OCLN: variants seen among roughly 807,000 people sequenced by gnomAD.
OCLN encodes occludin, also known as phosphatase 1, regulatory subunit 115.
OCLN carries 21 observed loss-of-function variants against 47.9 expected under a neutral mutation model. The ratio of observed to expected loss-of-function variants is 0.44; its 90% CI spans 0.31 to 0.63. The LOEUF (loss-of-function observed/expected upper bound fraction) is 0.63, where lower values mean the gene tolerates loss of function less well. Ranked by LOEUF, OCLN falls within the 30% of genes least tolerant of loss-of-function variation. The probability of loss-of-function intolerance (pLI) is 0.08; values close to 1 mark genes in which losing one functional copy is unlikely to be tolerated. For missense variants in OCLN, 360 were observed against 571.0 expected (o/e 0.63, Z 3.77); for synonymous variants, 117 against 198.4 (o/e 0.59, Z 3.45).
intron 4 of OCLN, among the ~76,000 whole-genome samples, chr5:69,525,748 A>G (rs1195208816): frequency 6.6e-6 from 1 of 152,132 alleles, no homozygotes; most frequent in Non-Finnish European, 1.5e-5. Flanking sequence ...TGTCCTTTTC[A>G]CAAATGACTA....
In OCLN at chr5:69,514,503, G is replaced by A. The variant is rs553159726; in HGVS notation, c.891+394G>A. 3.3e-5 allele frequency among the ~76,000 whole-genome samples: 5 copies of A among 151,516 alleles called. No individual in the cohort carries two copies. In the South Asian group the frequency reaches 1.0e-3, roughly 32 times the overall value. On this transcript the variant is annotated intron_variant, in intron 4 of 8. Coordinates refer to ENST00000396442, the MANE Select transcript of OCLN (RefSeq NM_001205254.2). The stretch of plus-strand genomic sequence containing the variant: ...GTCAAGATTGGCAAGAGTGTTTTTG[G>A]AATAGCAGGTGGCAGGCCTTTTAAA...
At chr5:69,527,137 TGTG>T (rs1283757854) in intron 4 of OCLN, among the ~76,000 whole-genome samples, 1 of 151,404 alleles carries the variant, frequency 6.6e-6, no homozygotes, top group Admixed American at 6.6e-5. Context: ...ATTAGCTGGG[TGTG>T]GTGGTGGGCG....
intron 2 of OCLN, among the ~76,000 whole-genome samples, chr5:69,504,779 A>G (rs1164507968): frequency 2.0e-5 from 3 of 152,052 alleles, no homozygotes; most frequent in Non-Finnish European, 4.4e-5. Flanking sequence ...TACTAAAAAT[A>G]CAAAAATTAG....
intron 1 of OCLN, among the ~76,000 whole-genome samples, chr5:69,503,538 C>T (rs1364539079): frequency 6.6e-6 from 1 of 152,224 alleles, no homozygotes. Flanking sequence ...GTCACTCCCA[C>T]AGGCTCTCCT....
At chr5:69,519,898 G>A (rs746676482) in intron 4 of OCLN, among the ~76,000 whole-genome samples, 25 of 152,144 alleles carry the variant, frequency 1.6e-4, no homozygotes, top group Admixed American at 3.3e-4. Context: ...AAAAATCCAC[G>A]TATATGTGGA....
intron 4 of OCLN, chr5:69,530,598 G>C (rs929942159): frequency 4.6e-5 from 7 of 152,058 alleles, no homozygotes; most frequent in Non-Finnish European, 1.0e-4. Flanking sequence ...GCATCAGCTG[G>C]CTCAGGATTT....
At chr5:69,524,687 T>A (rs1025106532) in intron 4 of OCLN, among the ~76,000 whole-genome samples, 2 of 152,198 alleles carry the variant, frequency 1.3e-5, no homozygotes, top group African/African-American at 4.8e-5. Context: ...CATTTTTATT[T>A]TTTATTTATT....
chr5:69,531,435 G>A (rs1221973740), intron 4 of OCLN, among the ~76,000 whole-genome samples: 1 of 152,234 alleles, frequency 6.6e-6, no homozygotes, highest in African/African-American at 2.4e-5. Flanking sequence ...ACGCTGTGAG[G>A]AGGAGGTGGG....
intron 3 of OCLN, among the ~76,000 whole-genome samples, 153 bp downstream of exon 3, chr5:69,509,972 GAT>G (rs1768733819): frequency 6.6e-6 from 1 of 152,188 alleles, no homozygotes; most frequent in African/African-American, 2.4e-5. Context: ...GTCTCATTAA[GAT>G]ATGATTAACA....
intron 4 of OCLN, among the ~76,000 whole-genome samples, chr5:69,521,644 A>AT (rs1304562937): frequency 4.6e-5 from 7 of 152,200 alleles, no homozygotes. Flanking sequence ...CTTGAAAAAA[A>AT]GCATTTTACA....
At chr5:69,514,878 A>G (rs1446350247) in intron 4 of OCLN, among the ~76,000 whole-genome samples, 2 of 152,130 alleles carry the variant, frequency 1.3e-5, no homozygotes, top group African/African-American at 4.8e-5. Flanking sequence ...AGGCAGAAGA[A>G]TTTTTCTTAG....
At chr5:69,530,646 G>A (rs890755420) in intron 4 of OCLN, 1 of 152,152 alleles carries the variant, frequency 6.6e-6, no homozygotes, top group Admixed American at 6.5e-5. Flanking sequence ...TTTGGGTGCT[G>A]TTCTTGCCCA....
rs1045727732 is a variant in OCLN at position 69,522,565 on chromosome 5, GTGTTTT to G, written c.891+8470_891+8475del. 2.0e-5 allele frequency among the ~76,000 whole-genome samples: 3 copies of G among 152,020 alleles called. 1 individual carries two copies. Among genetic ancestry groups the G allele is most frequent in the East Asian group, 3.9e-4 (2 of 5,190 alleles). ...GTGTCGTGCACCCAATCCAGTTTTT[GTGTTTT>G]TGTTTTTGTTTTTAACATCCAGGAT... On this transcript the variant is annotated intron_variant, in intron 4 of 8. Transcript: ENST00000396442.
chr5:69,504,751 A>T (rs961999785), intron 2 of OCLN, among the ~76,000 whole-genome samples: 3 of 151,880 alleles, frequency 2.0e-5, no homozygotes, highest in Non-Finnish European at 2.9e-5. Flanking sequence ...CCTGGCCAAC[A>T]TGGTGAACTC....
chr5:69,525,832 G>A (rs1021002684), intron 4 of OCLN, among the ~76,000 whole-genome samples: 29 of 152,100 alleles, frequency 1.9e-4, no homozygotes, highest in African/African-American at 7.0e-4. Flanking sequence ...CTTTTCCATT[G>A]TGTTGATGGT....
At chr5:69,498,451 G>C (rs957192320) in intron 1 of OCLN, among the ~76,000 whole-genome samples, 33 of 151,762 alleles carry the variant, frequency 2.2e-4, no homozygotes, top group African/African-American at 7.3e-4. Context: ...CCGAGATCAC[G>C]CCATTGCATT....
chr5:69,532,014 C>G (rs1342803407), intron 4 of OCLN, among the ~76,000 whole-genome samples: 1 of 152,162 alleles, frequency 6.6e-6, no homozygotes, highest in African/African-American at 2.4e-5. Flanking sequence ...ATCAAGTGGC[C>G]TTAATTCCAA....
intron 4 of OCLN, among the ~76,000 whole-genome samples, chr5:69,529,270 C>G (rs1356927483): frequency 6.6e-6 from 1 of 152,128 alleles, no homozygotes; most frequent in Non-Finnish European, 1.5e-5. Context: ...TGTTGGCATC[C>G]CACAGGGGTT....
At chr5:69,500,927 CTTTTTT>C (rs1194713624) in intron 1 of OCLN, among the ~76,000 whole-genome samples, 1 of 147,110 alleles carries the variant, frequency 6.8e-6, no homozygotes, top group Non-Finnish European at 1.5e-5. Context: ...TTCTGTTTTA[CTTTTTT>C]TTTTTAAAGG....
Sources: allele counts gnomAD v4.1 joint callset (sites outside exome capture counted in the v4.1 genomes callset), GRCh38; gene constraint gnomAD v4.1.1; transcripts MANE v1.5; gene names NCBI Gene and HGNC (gene_info 2026-07-23, HGNC 2026-07-21).